SHANK2: variants seen among roughly 807,000 people sequenced by gnomAD.
SHANK2 encodes the protein SH3 and multiple ankyrin repeat domains protein 2.
In SHANK2, 43 loss-of-function variants were observed where a neutral mutation model predicts 133.7. The observed-to-expected ratio is 0.32, with a 90% CI of 0.25 to 0.41. The LOEUF (loss-of-function observed/expected upper bound fraction) is 0.41. SHANK2 is among the 10% of genes least tolerant of loss of function. SHANK2 has a pLI of 1.00. For synonymous variants in SHANK2, 1,017 were observed against 952.8 expected (o/e 1.07, Z -1.24); for missense variants, 1,994 against 2,235.8 (o/e 0.89, Z 2.18).
chr11:70,878,825 G>A (rs1949612823), intron 11 of SHANK2, among the ~76,000 whole-genome samples: 1 of 152,192 alleles, frequency 6.6e-6, no homozygotes, highest in Admixed American at 6.5e-5. Flanking sequence ...CCAGGGTCAT[G>A]AATGAATGCT....
chr11:70,747,112 G>A (rs908157473), intron 14 of SHANK2, among the ~76,000 whole-genome samples: 3 of 151,438 alleles, frequency 2.0e-5, no homozygotes, highest in Admixed American at 6.6e-5. Context: ...ACTGGGGACT[G>A]GGCTGCATGG....
chr11:71,227,113 A>G (rs1019276971), intron 1 of SHANK2, among the ~76,000 whole-genome samples: 2 of 152,192 alleles, frequency 1.3e-5, no homozygotes, highest in South Asian at 4.1e-4. Flanking sequence ...TAAACACTAC[A>G]GATGAATCAA....
rs73532076 is a variant in SHANK2 at position 70,841,343 on chromosome 11, A to G, written c.1175-20661T>C. ...AGGTGATGCCTGTGACACGCCAGGC[A>G]TGGAGGGCAACAGCTCACGGCTTCC... On this transcript the variant is annotated intron_variant, in intron 11 of 25. Coordinates refer to ENST00000601538, the MANE Select transcript of SHANK2 (RefSeq NM_012309.5). Among the ~76,000 whole-genome samples the G allele has an allele frequency of 4.8e-3, 724 of 152,358 alleles. 7 individuals carry two copies. Among genetic ancestry groups the G allele is most frequent in the African/African-American group, 0.016 (655 of 41,580 alleles).
intron 17 of SHANK2, among the ~76,000 whole-genome samples, chr11:70,545,503 C>G (rs2059680909): frequency 1.3e-5 from 2 of 152,198 alleles, no homozygotes; most frequent in Non-Finnish European, 2.9e-5. Flanking sequence ...GGGTCCTCAC[C>G]TCGGGGTCTT....
intron 2 of SHANK2, among the ~76,000 whole-genome samples, chr11:71,196,940 GTGAGC>G (rs1477468159): frequency 2.1e-5 from 3 of 145,544 alleles, no homozygotes; most frequent in African/African-American, 7.7e-5. Context: ...AGAGGTTGCA[GTGAGC>G]TGAGATAGCG....
At chr11:70,844,661 A>G (rs1948968301) in intron 11 of SHANK2, among the ~76,000 whole-genome samples, 1 of 152,220 alleles carries the variant, frequency 6.6e-6, no homozygotes. Flanking sequence ...AATTCCTCAG[A>G]CAGGGATTAT....
intron 14 of SHANK2, among the ~76,000 whole-genome samples, chr11:70,797,004 A>T (rs554715561): frequency 6.6e-6 from 1 of 152,202 alleles, no homozygotes; most frequent in Non-Finnish European, 1.5e-5. Context: ...GCCCATTTCC[A>T]GAAAAGACAT....
intron 17 of SHANK2, among the ~76,000 whole-genome samples, chr11:70,610,725 A>G (rs2060646932): frequency 6.6e-6 from 1 of 152,218 alleles, no homozygotes; most frequent in Non-Finnish European, 1.5e-5. Flanking sequence ...CAGAGCACAG[A>G]ACACGGCATG....
At chr11:70,495,344 G>A (rs1450323718) in intron 21 of SHANK2, among the ~76,000 whole-genome samples, 1 of 152,188 alleles carries the variant, frequency 6.6e-6, no homozygotes, top group African/African-American at 2.4e-5. Flanking sequence ...TTTCTGTGCC[G>A]GCCTCTGTTC....
intron 3 of SHANK2, among the ~76,000 whole-genome samples, chr11:71,135,522 T>C (rs1446721257): frequency 1.3e-5 from 2 of 149,826 alleles, no homozygotes; most frequent in African/African-American, 2.5e-5. Context: ...GTCTCACTTT[T>C]GTCACCCAGG....
intron 10 of SHANK2, among the ~76,000 whole-genome samples, chr11:70,898,024 G>A (rs1949964187): frequency 6.8e-6 from 1 of 147,194 alleles, no homozygotes; most frequent in Non-Finnish European, 1.5e-5. Flanking sequence ...GTGCAGTGAT[G>A]TGATCTTGGC....
intron 14 of SHANK2, among the ~76,000 whole-genome samples, chr11:70,783,439 G>C (rs1555045681): frequency 1.3e-5 from 2 of 152,068 alleles, no homozygotes; most frequent in African/African-American, 4.8e-5. Context: ...ACCTCACAGT[G>C]AAAACAAGTG....
chr11:70,743,624 A>G (rs1235792757), intron 14 of SHANK2, among the ~76,000 whole-genome samples: 1 of 152,170 alleles, frequency 6.6e-6, no homozygotes, highest in Non-Finnish European at 1.5e-5. Flanking sequence ...GCACACAGCT[A>G]CAGAAAAGCT....
chr11:70,917,219 T>C (rs1950283571), intron 10 of SHANK2, among the ~76,000 whole-genome samples: 1 of 152,150 alleles, frequency 6.6e-6, no homozygotes, highest in Non-Finnish European at 1.5e-5. Flanking sequence ...GCAGACACTT[T>C]TCAAAAGAAG....
At chr11:70,507,553 G>A (rs1275815969) in intron 17 of SHANK2, among the ~76,000 whole-genome samples, 1 of 152,216 alleles carries the variant, frequency 6.6e-6, no homozygotes, top group African/African-American at 2.4e-5. Context: ...TGAGCATGAG[G>A]AGGAGGCAGA....
At chr11:71,234,183 T>TA (rs71049965) in intron 1 of SHANK2, among the ~76,000 whole-genome samples, 5,661 of 35,456 alleles carry the variant, frequency 0.16, 1,144 homozygotes, top group African/African-American at 0.3. Context: ...CCCTCTCTAC[T>TA]AAAAAAAAAA....
chr11:71,226,851 G>C (rs1040600075), intron 1 of SHANK2, among the ~76,000 whole-genome samples: 1 of 152,056 alleles, frequency 6.6e-6, no homozygotes, highest in Non-Finnish European at 1.5e-5. Context: ...AAAATGTTTG[G>C]CAAATATAAT....
chr11:71,229,443 T>C (rs1415317406), intron 1 of SHANK2, among the ~76,000 whole-genome samples: 1 of 152,158 alleles, frequency 6.6e-6, no homozygotes, highest in Non-Finnish European at 1.5e-5. Flanking sequence ...ATAGCAAAAT[T>C]AAAGATACAA....
intron 1 of SHANK2, among the ~76,000 whole-genome samples, chr11:71,239,374 T>A (rs1555124098): frequency 6.6e-6 from 1 of 152,176 alleles, no homozygotes; most frequent in African/African-American, 2.4e-5. Context: ...CTGCAGATAA[T>A]ACGTTAATAA....
Sources: gnomAD v4.1 joint callset for allele counts (sites outside exome capture counted in the v4.1 genomes callset) on GRCh38, gnomAD v4.1.1 for gene constraint, MANE v1.5 for transcripts, NCBI Gene and HGNC (gene_info 2026-07-23, HGNC 2026-07-21) for gene names.